Variants in SAMD12 observed in about 807,000 individuals in gnomAD.
SAMD12 encodes sterile alpha motif domain-containing protein 12.
SAMD12 carries 9 observed loss-of-function variants against 15.0 expected under a neutral mutation model. That is an observed-to-expected ratio of 0.60 (90% CI 0.36 to 1.05). The LOEUF (loss-of-function observed/expected upper bound fraction) is 1.05. Among genes scored for constraint, SAMD12 ranks in the 50% least tolerant of loss-of-function variants. SAMD12 has a pLI of 0.01. For missense variants in SAMD12, 230 were observed against 234.2 expected (o/e 0.98, Z 0.12); for synonymous variants, 86 against 90.1 (o/e 0.96, Z 0.25).
intron 1 of SAMD12, among the ~76,000 whole-genome samples, chr8:118,597,956 T>G (rs1177776699): frequency 6.6e-6 from 1 of 152,192 alleles, no homozygotes; most frequent in Admixed American, 6.6e-5. Context: ...GTGGGCAGCA[T>G]GCTGTACATA....
intron 1 of SAMD12, among the ~76,000 whole-genome samples, chr8:118,586,977 A>G (rs2131271090): frequency 6.6e-6 from 1 of 152,352 alleles, no homozygotes; most frequent in South Asian, 2.1e-4. Flanking sequence ...TCACAAAACC[A>G]TAAAGCTATC....
intron 2 of SAMD12, among the ~76,000 whole-genome samples, chr8:118,484,772 CAGA>C (rs901581708): frequency 6.6e-6 from 1 of 152,084 alleles, no homozygotes; most frequent in African/African-American, 2.4e-5. Context: ...CTCACAGAAG[CAGA>C]AGATGGCCAG....
At chr8:118,283,674 G>A (rs910727029) in intron 4 of SAMD12, among the ~76,000 whole-genome samples, 6 of 152,218 alleles carry the variant, frequency 3.9e-5, no homozygotes, top group Non-Finnish European at 7.3e-5. Context: ...ATCTGGTGAT[G>A]AGCCTTCTGT....
At chr8:118,285,070 T>G (rs78143456) in intron 4 of SAMD12, 7,946 of 152,094 alleles carry the variant, frequency 0.052, 671 homozygotes, top group African/African-American at 0.18. Flanking sequence ...CTCTGTTATA[T>G]CCAGGCAGGC....
chr8:118,268,248 C>A (rs1426932613), intron 4 of SAMD12, among the ~76,000 whole-genome samples: 1 of 152,188 alleles, frequency 6.6e-6, no homozygotes, highest in East Asian at 1.9e-4. Flanking sequence ...CCACTTCTAT[C>A]ACACACGTTC....
At chr8:118,573,399 T>C (rs1185302859) in intron 2 of SAMD12, among the ~76,000 whole-genome samples, 2 of 152,194 alleles carry the variant, frequency 1.3e-5, no homozygotes, top group African/African-American at 2.4e-5. Context: ...ACCTCTTTTC[T>C]TTATAAACTA....
intron 1 of SAMD12, among the ~76,000 whole-genome samples, chr8:118,588,770 G>T (rs148170910): frequency 6.6e-6 from 1 of 152,120 alleles, no homozygotes; most frequent in Non-Finnish European, 1.5e-5. Context: ...CAACATCAAG[G>T]AAGAACTTAT....
exon 5 of SAMD12, chr8:118,192,339 T>C (rs968614875): frequency 6.6e-6 from 1 of 152,188 alleles, no homozygotes; most frequent in Non-Finnish European, 1.5e-5. Flanking sequence ...AAAAGCCATA[T>C]GAAACCAACC....
intron 4 of SAMD12, among the ~76,000 whole-genome samples, chr8:118,314,781 T>A (rs1275515589): frequency 1.3e-5 from 2 of 152,178 alleles, no homozygotes; most frequent in Admixed American, 6.5e-5. Flanking sequence ...CCACTGTACA[T>A]CCTTACACCC....
chr8:118,488,843 C>T (rs1378758094), intron 2 of SAMD12, among the ~76,000 whole-genome samples: 3 of 152,186 alleles, frequency 2.0e-5, no homozygotes, highest in East Asian at 1.9e-4. Context: ...TGTTTGGATA[C>T]ATTTTCATTT....
intron 4 of SAMD12, among the ~76,000 whole-genome samples, chr8:118,273,870 A>G (rs1269099437): frequency 6.6e-6 from 1 of 152,200 alleles, no homozygotes; most frequent in African/African-American, 2.4e-5. Flanking sequence ...AGTTGTCTCC[A>G]GGAGATCAAG....
chr8:118,524,700 C>T (rs529458686), intron 2 of SAMD12, among the ~76,000 whole-genome samples: 2 of 152,308 alleles, frequency 1.3e-5, no homozygotes, highest in South Asian at 4.1e-4. Context: ...CCCTATTCCT[C>T]CTGCAGTTCT....
intron 4 of SAMD12, among the ~76,000 whole-genome samples, chr8:118,249,945 AGCCTCT>A (rs1165134538): frequency 1.3e-5 from 2 of 152,222 alleles, no homozygotes; most frequent in African/African-American, 4.8e-5. Context: ...AGCAGGCAGA[AGCCTCT>A]GAGTGAATGC....
chr8:118,157,682 G>T, the SAMD12 span, among the ~76,000 whole-genome samples: 1 of 152,190 alleles, frequency 6.6e-6, no homozygotes, highest in Non-Finnish European at 1.5e-5. Context: ...TTTCGTTACT[G>T]TTTTTACAAT....
chr8:118,347,246 T>C (rs981184156), intron 4 of SAMD12, among the ~76,000 whole-genome samples: 1 of 152,182 alleles, frequency 6.6e-6, no homozygotes, highest in Admixed American at 6.5e-5. Context: ...CCAAGGTTTT[T>C]AGTGGGGATC....
chr8:118,181,894 G>T, the SAMD12 span, among the ~76,000 whole-genome samples: 1 of 152,192 alleles, frequency 6.6e-6, no homozygotes, highest in Non-Finnish European at 1.5e-5. Context: ...TCTAGCTGAG[G>T]TTGGTTGCTA....
intron 1 of SAMD12, among the ~76,000 whole-genome samples, chr8:118,588,303 A>G (rs1827501090): frequency 6.6e-6 from 1 of 152,184 alleles, no homozygotes; most frequent in African/African-American, 2.4e-5. Context: ...TAGCTAATAG[A>G]AAGGGAGCAC....
At chr8:118,167,283 C>T in the SAMD12 span, among the ~76,000 whole-genome samples, 1 of 151,914 alleles carries the variant, frequency 6.6e-6, no homozygotes, top group East Asian at 1.9e-4. Context: ...GCATGCTTGA[C>T]ACCATGGCCT....
At chr8:118,289,163 T>C (rs927693637) in intron 4 of SAMD12, among the ~76,000 whole-genome samples, 1 of 152,188 alleles carries the variant, frequency 6.6e-6, no homozygotes, top group African/African-American at 2.4e-5. Flanking sequence ...ATCTCAGCAG[T>C]TTCATTTGGT....
Sources: gnomAD v4.1 joint callset for allele counts (sites outside exome capture counted in the v4.1 genomes callset) on GRCh38, gnomAD v4.1.1 for gene constraint, MANE v1.5 for transcripts, NCBI Gene and HGNC (gene_info 2026-07-23, HGNC 2026-07-21) for gene names.